ZNF700: variants seen among roughly 807,000 people sequenced by gnomAD.
ZNF700 encodes zinc finger protein 700.
Under a neutral mutation model 65.3 loss-of-function variants are expected in ZNF700, and 38 were observed. That is an observed-to-expected ratio of 0.58 (90% CI 0.45 to 0.76). The LOEUF (loss-of-function observed/expected upper bound fraction) is 0.76. Among genes scored for constraint, ZNF700 ranks in the 30% least tolerant of loss-of-function variants. The probability of loss-of-function intolerance (pLI) is 0.00; values close to 1 mark genes in which losing one functional copy is unlikely to be tolerated. For synonymous variants in ZNF700, 285 were observed against 290.4 expected (o/e 0.98, Z 0.19); for missense variants, 857 against 888.4 (o/e 0.96, Z 0.45).
chr19:11,948,567 T>A lies in ZNF700; in HGVS notation c.543T>A (p.Ile181=). 1 of 1,607,504 alleles carries A rather than the reference T, an allele frequency of 6.2e-7. No homozygotes were observed. The highest frequency in any genetic ancestry group is 8.5e-7 in the Non-Finnish European group (1 of 1,178,592). ...AAGCCTTCAGGTATCGCCCATCCAT[T>A]AGAACACAAGAAAGGGATCACACTG... ...NKKAFRYRPS[I]RTQERDHTGE... is the part of the protein sequence containing the mutation. Residue 181 remains isoleucine, a synonymous_variant, in exon 4 of 4, where the codon ATT becomes ATA. Transcript: ENST00000254321.
At chr19:11,947,689 T>C in intron 3 of ZNF700, 115 bp downstream of exon 3, 1 of 1,069,040 alleles carries the variant, frequency 9.4e-7, no homozygotes, top group Non-Finnish European at 1.4e-6. Context: ...CATTTCTTCT[T>C]AGAATATTTT....
At chr19:11,942,130 G>A (rs543033142) in intron 1 of ZNF700, among the ~76,000 whole-genome samples, 1 of 151,180 alleles carries the variant, frequency 6.6e-6, no homozygotes, top group Non-Finnish European at 1.5e-5. Flanking sequence ...AATGATTCCT[G>A]GGCATCATAA....
chr19:11,938,420 T>C (rs1431940294), intron 1 of ZNF700, among the ~76,000 whole-genome samples: 1 of 152,114 alleles, frequency 6.6e-6, no homozygotes, highest in Admixed American at 6.6e-5. Context: ...GTGTGTGATG[T>C]TCCCCTCCCT....
intron 1 of ZNF700, among the ~76,000 whole-genome samples, chr19:11,926,051 T>C (rs1163301049): frequency 2.6e-5 from 4 of 152,100 alleles, no homozygotes; most frequent in African/African-American, 9.7e-5. Context: ...GTTGAGAGTG[T>C]GAAGTTTGTC....
chr19:11,931,259 C>T (rs1424936663), intron 1 of ZNF700, among the ~76,000 whole-genome samples: 2 of 147,980 alleles, frequency 1.4e-5, no homozygotes, highest in Non-Finnish European at 2.9e-5. Context: ...AGAGAGCTGG[C>T]AGATCTAGTG....
intron 1 of ZNF700, among the ~76,000 whole-genome samples, chr19:11,932,880 G>A (rs1216888651): frequency 6.8e-6 from 1 of 147,894 alleles, no homozygotes; most frequent in Non-Finnish European, 1.5e-5. Context: ...CTCGTGATCC[G>A]CCTGCCTCAG....
rs1044682775 is a variant in ZNF700 at position 11,950,375 on chromosome 19, G to T, written c.*122G>T. On this transcript the variant is annotated 3_prime_UTR_variant, in exon 4 of 4. Coordinates refer to ENST00000254321, the MANE Select transcript of ZNF700 (RefSeq NM_144566.3). ...CGATATCATGAAAGGACTCACACTG[G>T]GGAGAAACCCTATCAATGTAAGCAG... is the stretch of plus-strand genomic sequence containing the variant. 2 of 1,013,026 alleles carry T rather than the reference G, an allele frequency of 2.0e-6. No individual in the cohort carries two copies. The highest frequency in any genetic ancestry group is 3.0e-6 in the Non-Finnish European group (2 of 661,444). 62.8% of individuals were successfully genotyped at this position (1,013,026 alleles called of 1,614,324 possible). A position where few individuals can be genotyped will look rare whatever the true frequency, so the allele number is the denominator to read the frequency against.
At chr19:11,932,797 C>T (rs1972734573) in intron 1 of ZNF700, among the ~76,000 whole-genome samples, 1 of 147,234 alleles carries the variant, frequency 6.8e-6, no homozygotes, top group Non-Finnish European at 1.5e-5. Flanking sequence ...GCCACCCCGT[C>T]CGGCTAATTT....
Position 11,942,787 on chromosome 19 carries a change from A to G in ZNF700, c.64-4394A>G, listed in dbSNP as rs547312850. Among the ~76,000 whole-genome samples the G allele has an allele frequency of 2.3e-3, 345 of 152,330 alleles. 2 individuals are homozygous for G. The highest frequency in any genetic ancestry group is 8.1e-3 in the African/African-American group (338 of 41,578). ...GGTCAGGAGTTGATTTTTAACTACCAGGCCTGGGGTGTGGCACCGGGCTGT... is the reference window on the plus strand; with the variant it reads ...GGTCAGGAGTTGATTTTTAACTACCGGGCCTGGGGTGTGGCACCGGGCTGT... On this transcript the variant is annotated intron_variant, in intron 1 of 3. Coordinates refer to ENST00000254321, the MANE Select transcript of ZNF700 (RefSeq NM_144566.3).
In ZNF700 at chr19:11,949,081, A is replaced by G. The variant is rs756354467; in HGVS notation, c.1057A>G (p.Ile353Val). The G allele has an allele frequency of 7.4e-6, 12 of 1,610,768 alleles. No individual in the cohort carries two copies. The highest frequency in any genetic ancestry group is 1.3e-5 in the African/African-American group (1 of 74,566). The change falls in exon 4 of 4, where the codon ATA becomes GTA. Residue 353 changes from isoleucine (I) to valine (V), a missense_variant. Around this residue, in one of 3 missense-constraint regions of ZNF700, gnomAD observed 603 missense variants for 619.9 expected, o/e 0.97. Transcript: ENST00000254321. ...CTATCTTATAAGTTTTCAAACACAC[A>G]TAAGAATGAACTCTGGAGAAAGACC... The part of the protein sequence containing the change: ...LSYLISFQTH[I>V]RMNSGERPYK...
rs773260139 is a variant in ZNF700, at chr19:11,948,942, T to A, written c.918T>A (p.Tyr306Ter). ...HERSHMGEKP[Y>*]QCKECGKAFA... The stretch of plus-strand genomic sequence containing the variant: ...GAAGTCACATGGGAGAGAAGCCTTA[T>A]CAATGCAAAGAATGTGGAAAAGCAT... The change falls in exon 4 of 4, where the codon TAT becomes TAA. Residue 306 changes from tyrosine (Y) to a stop codon, truncating the protein, a stop_gained. Coordinates refer to ENST00000254321, the MANE Select transcript of ZNF700 (RefSeq NM_144566.3). LOFTEE classifies it high-confidence loss of function. 1 of 1,608,316 alleles carries A rather than the reference T, an allele frequency of 6.2e-7. No homozygotes were observed. Among genetic ancestry groups the A allele is most frequent in the Non-Finnish European group, 8.5e-7 (1 of 1,178,766 alleles).
chr19:11,928,203 C>G (rs1001164018), intron 1 of ZNF700, among the ~76,000 whole-genome samples: 3 of 152,104 alleles, frequency 2.0e-5, no homozygotes, highest in African/African-American at 7.2e-5. Flanking sequence ...CCAGGCTGGT[C>G]TCTGGCTCCT....
chr19:11,950,653 A>G lies in ZNF700; in HGVS notation c.*400A>G, dbSNP rs1973053455. 1.2e-5 allele frequency: 4 copies of G among 328,868 alleles called. No individual in the cohort carries two copies. Among genetic ancestry groups the G allele is most frequent in the South Asian group, 3.2e-5 (1 of 31,356 alleles). 20.4% of individuals were successfully genotyped at this position (328,868 alleles called of 1,614,324 possible). A position where few individuals can be genotyped will look rare whatever the true frequency, so the allele number is the denominator to read the frequency against. ...TATGGGAAAGCCTTCAGATCTGCCAAGATTCTTTGAATACAGATAATTAAT... is the reference window on the plus strand; with the variant it reads ...TATGGGAAAGCCTTCAGATCTGCCAGGATTCTTTGAATACAGATAATTAAT... On this transcript the variant is annotated 3_prime_UTR_variant, in exon 4 of 4. Coordinates refer to ENST00000254321, the MANE Select transcript of ZNF700 (RefSeq NM_144566.3).
At chr19:11,936,506 A>G (rs1041106266) in intron 1 of ZNF700, among the ~76,000 whole-genome samples, 3 of 152,128 alleles carry the variant, frequency 2.0e-5, no homozygotes, top group African/African-American at 4.8e-5. Context: ...ATGTCTGTTC[A>G]TGTCCTTTGC....
intron 1 of ZNF700, among the ~76,000 whole-genome samples, chr19:11,929,354 G>A (rs1204049310): frequency 6.8e-6 from 1 of 148,036 alleles, no homozygotes; most frequent in Non-Finnish European, 1.5e-5. Flanking sequence ...AGTAAAGACA[G>A]GGTTTTACCA....
intron 1 of ZNF700, among the ~76,000 whole-genome samples, chr19:11,928,649 G>A (rs1407565864): frequency 3.4e-5 from 5 of 145,534 alleles, no homozygotes; most frequent in East Asian, 2.0e-4. Flanking sequence ...GGAGAATGGC[G>A]TGAACCCGGG....
chr19:11,936,398 T>C (rs909880609), intron 1 of ZNF700, among the ~76,000 whole-genome samples: 1 of 152,224 alleles, frequency 6.6e-6, no homozygotes, highest in Non-Finnish European at 1.5e-5. Context: ...CGTGAGATGG[T>C]ATCTCATTGT....
At chr19:11,933,671 T>C (rs1294584137) in intron 1 of ZNF700, among the ~76,000 whole-genome samples, 1 of 147,964 alleles carries the variant, frequency 6.8e-6, no homozygotes, top group African/African-American at 2.7e-5. Flanking sequence ...AAAATATGCA[T>C]TGAAGGTCTC....
chr19:11,932,825 G>A (rs1384628504), intron 1 of ZNF700, among the ~76,000 whole-genome samples: 1 of 147,364 alleles, frequency 6.8e-6, no homozygotes, highest in East Asian at 1.9e-4. Context: ...TTTTAGTAGA[G>A]ACGGGGTTTC....
Sources: gnomAD v4.1 joint callset for allele counts (sites outside exome capture counted in the v4.1 genomes callset) on GRCh38, gnomAD v4.1.1 for gene constraint, gnomAD v4.1.1 regional missense constraint, MANE v1.5 for transcripts, NCBI Gene and HGNC (gene_info 2026-07-23, HGNC 2026-07-21) for gene names.